The following SDK1 variants were observed in gnomAD, a reference collection of about 807,000 sequenced individuals.
SDK1 encodes sidekick cell adhesion molecule 1, also known as protein sidekick-1.
In SDK1, 157 loss-of-function variants were observed where a neutral mutation model predicts 245.5. The ratio of observed to expected loss-of-function variants is 0.64; its 90% CI spans 0.56 to 0.73. SDK1 has a LOEUF of 0.73. Among genes scored for constraint, SDK1 ranks in the 30% least tolerant of loss-of-function variants. The pLI is 0.00. For missense variants in SDK1, 3,583 were observed against 3,002.3 expected, an observed-to-expected ratio of 1.19 and a Z score of -4.52; for synonymous variants, 1,647 against 1,278.5, an observed-to-expected ratio of 1.29 and a Z score of -6.15.
chr7:3,776,436 G>A (rs1780564505), intron 4 of SDK1, among the ~76,000 whole-genome samples: 1 of 152,174 alleles, frequency 6.6e-6, no homozygotes, highest in South Asian at 2.1e-4. Flanking sequence ...AAATTATGCA[G>A]ATTTCTCAAT....
intron 13 of SDK1, among the ~76,000 whole-genome samples, chr7:3,983,021 C>G (rs1263348415): frequency 6.6e-6 from 1 of 152,008 alleles, no homozygotes; most frequent in Non-Finnish European, 1.5e-5. Context: ...AGAGGTGGAT[C>G]CTGAAGATGT....
At chr7:4,027,393 C>T (rs1247204597) in intron 17 of SDK1, among the ~76,000 whole-genome samples, 1 of 152,212 alleles carries the variant, frequency 6.6e-6, no homozygotes, top group South Asian at 2.1e-4. Flanking sequence ...TCAGTGGGCT[C>T]CTTAGCATGT....
chr7:3,411,218 T>G (rs1005042254), intron 1 of SDK1, among the ~76,000 whole-genome samples: 13 of 152,078 alleles, frequency 8.5e-5, no homozygotes, highest in African/African-American at 3.1e-4. Flanking sequence ...ATCATGTAGT[T>G]TCTGCATTTA....
intron 4 of SDK1, among the ~76,000 whole-genome samples, chr7:3,757,480 TC>T (rs1345570177): frequency 1.3e-5 from 2 of 152,092 alleles, no homozygotes; most frequent in African/African-American, 4.8e-5. Flanking sequence ...CAAGCAGTCC[TC>T]CCACTTTGGC....
chr7:4,190,662 A>G (rs1384629645), intron 35 of SDK1, among the ~76,000 whole-genome samples: 1 of 152,250 alleles, frequency 6.6e-6, no homozygotes, highest in Non-Finnish European at 1.5e-5. Flanking sequence ...GTGCACAGGC[A>G]CTGCTGACTG....
At chr7:3,576,890 C>T (rs1780310637) in intron 1 of SDK1, among the ~76,000 whole-genome samples, 2 of 152,034 alleles carry the variant, frequency 1.3e-5, no homozygotes, top group African/African-American at 4.8e-5. Flanking sequence ...CTTAAACCTG[C>T]CCTTTAGAGT....
rs768943650 is a variant in SDK1, at chr7:3,681,037, G to A, written c.713+38932G>A. 5.9e-5 allele frequency among the ~76,000 whole-genome samples: 9 copies of A among 152,066 alleles called. 1 individual carries two copies. Among genetic ancestry groups the A allele is most frequent in the Non-Finnish European group, 1.3e-4 (9 of 68,008 alleles). ...TTGTGTATTTTTTAGTAGAGATGGG[G>A]TTTCGCCATGTTGGCCAGGATGATC... On this transcript the variant is annotated intron_variant, in intron 4 of 44. Transcript: ENST00000404826.
chr7:3,322,350 A>G (rs1351481873), intron 1 of SDK1, among the ~76,000 whole-genome samples: 4 of 152,132 alleles, frequency 2.6e-5, no homozygotes, highest in Admixed American at 6.5e-5. Context: ...ATTCCATTGT[A>G]TGTATGTGCC....
intron 1 of SDK1, among the ~76,000 whole-genome samples, chr7:3,563,634 T>G (rs1035913368): frequency 3.9e-5 from 6 of 152,152 alleles, no homozygotes; most frequent in Non-Finnish European, 7.3e-5. Flanking sequence ...TTCTCAGAAA[T>G]TAGTAAATCC....
chr7:4,174,843 A>C (rs1026801847), intron 33 of SDK1, among the ~76,000 whole-genome samples: 4 of 152,074 alleles, frequency 2.6e-5, no homozygotes, highest in African/African-American at 9.7e-5. Flanking sequence ...AGCTGCCTTC[A>C]AGACAGCTTC....
chr7:3,372,854 C>G (rs1230323032), intron 1 of SDK1, among the ~76,000 whole-genome samples: 1 of 152,130 alleles, frequency 6.6e-6, no homozygotes, highest in East Asian at 1.9e-4. Context: ...CCAGAGTTAC[C>G]TAAATTCTCA....
intron 36 of SDK1, among the ~76,000 whole-genome samples, chr7:4,206,672 G>A (rs1584444682): frequency 6.6e-6 from 1 of 152,012 alleles, no homozygotes; most frequent in Admixed American, 6.6e-5. Flanking sequence ...ACCTCTCCAC[G>A]TCCCATCCCT....
intron 40 of SDK1, among the ~76,000 whole-genome samples, chr7:4,232,666 G>A (rs796869672): frequency 3.0e-4 from 45 of 151,502 alleles, no homozygotes; most frequent in African/African-American, 1.0e-3. Context: ...GTTTCCCTGT[G>A]TTGCCCAGGC....
At chr7:3,784,667 A>G (rs1780846474) in intron 4 of SDK1, among the ~76,000 whole-genome samples, 1 of 152,166 alleles carries the variant, frequency 6.6e-6, no homozygotes, top group Non-Finnish European at 1.5e-5. Flanking sequence ...GAGAAACTAC[A>G]TCTCACACCT....
chr7:3,931,099 G>A (rs755295931), intron 5 of SDK1, among the ~76,000 whole-genome samples: 7 of 152,148 alleles, frequency 4.6e-5, no homozygotes, highest in African/African-American at 9.7e-5. Flanking sequence ...TCCGAGAGAC[G>A]TTATAAGGAT....
At chr7:3,431,515 A>G (rs1779847145) in intron 1 of SDK1, among the ~76,000 whole-genome samples, 1 of 152,100 alleles carries the variant, frequency 6.6e-6, no homozygotes, top group Admixed American at 6.5e-5. Context: ...TTGCTGCTTC[A>G]TTGCAATGAA....
chr7:3,506,562 G>C (rs1329648098), intron 1 of SDK1, among the ~76,000 whole-genome samples: 1 of 152,050 alleles, frequency 6.6e-6, no homozygotes, highest in Non-Finnish European at 1.5e-5. Context: ...GATGTACTTT[G>C]ATGACATGCA....
intron 22 of SDK1, among the ~76,000 whole-genome samples, chr7:4,103,291 C>T (rs924440546): frequency 6.1e-5 from 9 of 148,220 alleles, no homozygotes; most frequent in Admixed American, 1.3e-4. Flanking sequence ...TGAGCCACCG[C>T]GCCCGGCCCC....
At chr7:4,161,935 G>A in intron 32 of SDK1, 79 bp downstream of exon 32, 1 of 1,294,882 alleles carries the variant, frequency 7.7e-7, no homozygotes, top group South Asian at 1.2e-5. Flanking sequence ...CGGCTGACAT[G>A]GACTGCAAGC....
Sources: allele counts gnomAD v4.1 joint callset (sites outside exome capture counted in the v4.1 genomes callset), GRCh38; gene constraint gnomAD v4.1.1; transcripts MANE v1.5; gene names NCBI Gene and HGNC (gene_info 2026-07-23, HGNC 2026-07-21).